The following HEATR4 variants were observed in gnomAD, a reference collection of about 807,000 sequenced individuals.
HEATR4 encodes HEAT repeat containing 4, also known as HEAT repeat-containing protein 4.
HEATR4 carries 95 observed loss-of-function variants against 108.8 expected under a neutral mutation model. The observed-to-expected ratio is 0.87, with a 90% CI of 0.74 to 1.04. The LOEUF is 1.04. Ranked by LOEUF, HEATR4 falls within the 50% of genes least tolerant of loss-of-function variation. The pLI, the probability that HEATR4 is intolerant of heterozygous loss-of-function variation, is 0.00. For synonymous variants in HEATR4, 443 were observed against 459.4 expected (o/e 0.96, Z 0.46); for missense variants, 1,152 against 1,253.8 (o/e 0.92, Z 1.23).
chr14:73,569,227 G>A, the HEATR4 span: 3 of 1,612,334 alleles, frequency 1.9e-6, no homozygotes, highest in East Asian at 2.2e-5. Context: ...AGCCTGCGAC[G>A]GCAGCCCGAG....
At chr14:73,524,293 C>CAAAA (rs1160344592) in intron 2 of HEATR4, among the ~76,000 whole-genome samples, 26 of 56,652 alleles carry the variant, frequency 4.6e-4, no homozygotes, top group East Asian at 2.3e-3. Flanking sequence ...AACTCCGTCT[C>CAAAA]AAAAAAAAAA....
chr14:73,594,517 A>AT, the HEATR4 span, among the ~76,000 whole-genome samples: 1 of 152,114 alleles, frequency 6.6e-6, no homozygotes, highest in Non-Finnish European at 1.5e-5. Flanking sequence ...TTTTTCAGTG[A>AT]TTTTAAGATG....
chr14:73,537,000 C>A, intron 1 of HEATR4: 5 of 108,844 alleles, frequency 4.6e-5, no homozygotes, highest in Non-Finnish European at 9.3e-5. Context: ...TTTTTTTTTT[C>A]TGAGACGGAC....
chr14:73,498,817 T>C (rs1886250473), intron 13 of HEATR4, among the ~76,000 whole-genome samples: 1 of 152,238 alleles, frequency 6.6e-6, no homozygotes, highest in Admixed American at 6.5e-5. Context: ...TTGGAACTTA[T>C]CCTTAATTCT....
chr14:73,585,209 C>G, the HEATR4 span, among the ~76,000 whole-genome samples: 1 of 152,158 alleles, frequency 6.6e-6, no homozygotes, highest in Non-Finnish European at 1.5e-5. Context: ...CACCTTGTCT[C>G]GCTCATCTGC....
At chr14:73,531,295 C>T (rs1227182715) in intron 1 of HEATR4, 2 of 113,302 alleles carry the variant, frequency 1.8e-5, no homozygotes, top group South Asian at 2.8e-4. Flanking sequence ...ACTCAGAGAA[C>T]TTGTGGGTTC....
chr14:73,479,747 T>C (rs1885175416), intron 17 of HEATR4, among the ~76,000 whole-genome samples: 1 of 152,056 alleles, frequency 6.6e-6, no homozygotes, highest in Admixed American at 6.6e-5. Context: ...GCTAATTTTT[T>C]TGTATTTTTA....
intron 17 of HEATR4, chr14:73,491,630 C>A: frequency 6.5e-7 from 1 of 1,549,726 alleles, no homozygotes; most frequent in Non-Finnish European, 8.7e-7. Flanking sequence ...AGCGGCCCGC[C>A]TCTTTGAGTG....
chr14:73,607,327 A>C, the HEATR4 span, among the ~76,000 whole-genome samples: 2 of 152,176 alleles, frequency 1.3e-5, no homozygotes, highest in African/African-American at 4.8e-5. Flanking sequence ...TAAAAAAAGA[A>C]AGAAATGTCC....
chr14:73,599,046 C>T, the HEATR4 span, among the ~76,000 whole-genome samples: 1 of 145,996 alleles, frequency 6.8e-6, no homozygotes, highest in African/African-American at 2.8e-5. Context: ...GGATGTGATG[C>T]TGTGATGCTG....
intron 1 of HEATR4, among the ~76,000 whole-genome samples, chr14:73,530,835 C>T (rs1320547109): frequency 1.0e-4 from 8 of 77,512 alleles, no homozygotes; most frequent in African/African-American, 3.3e-4. Flanking sequence ...GATAGAGTCT[C>T]ACCATGTTGT....
chr14:73,599,620 G>C, the HEATR4 span, among the ~76,000 whole-genome samples: 1 of 152,120 alleles, frequency 6.6e-6, no homozygotes, highest in Non-Finnish European at 1.5e-5. Flanking sequence ...GAGTCTCCAA[G>C]AGAGCCTAGC....
At chr14:73,612,777 GA>G in the HEATR4 span, 1 of 1,370,990 alleles carries the variant, frequency 7.3e-7, no homozygotes, top group South Asian at 1.7e-5. Context: ...CCCGCGCTGG[GA>G]GGCAGCTTCG....
chr14:73,571,976 C>T, the HEATR4 span, among the ~76,000 whole-genome samples: 2 of 151,302 alleles, frequency 1.3e-5, no homozygotes, highest in African/African-American at 4.9e-5. Context: ...CAACAGAGTA[C>T]ATTTCACACC....
chr14:73,574,182 G>C, the HEATR4 span: 1 of 160,090 alleles, frequency 6.2e-6, no homozygotes, highest in African/African-American at 2.4e-5. Context: ...CTTATAGACA[G>C]TTTCTATTCA....
intron 12 of HEATR4, 81 bp downstream of exon 12, chr14:73,500,469 G>T: frequency 1.4e-6 from 2 of 1,389,424 alleles, no homozygotes; most frequent in Non-Finnish European, 2.0e-6. Flanking sequence ...ACAGAATGTT[G>T]AGCATACTGT....
the HEATR4 span, among the ~76,000 whole-genome samples, chr14:73,584,561 T>G: frequency 1.3e-4 from 19 of 147,946 alleles, no homozygotes; most frequent in Admixed American, 1.0e-3. Flanking sequence ...AACCCTGCTG[T>G]CTCAGTGTAA....
intron 7 of HEATR4, among the ~76,000 whole-genome samples, chr14:73,509,815 T>C (rs1330681886): frequency 1.0e-3 from 2 of 2,004 alleles, no homozygotes; most frequent in Non-Finnish European, 1.7e-3. Flanking sequence ...TGAGCCCATA[T>C]ATATATATAT....
At chr14:73,562,134 A>C (rs1411523182), upstream of HEATR4, among the ~76,000 whole-genome samples, 1 of 152,026 alleles carries the variant, frequency 6.6e-6, no homozygotes, top group African/African-American at 2.4e-5. Flanking sequence ...AGGAAGTGGA[A>C]TAGTGGTTGC....
Sources: allele counts gnomAD v4.1 joint callset (sites outside exome capture counted in the v4.1 genomes callset), GRCh38; gene constraint gnomAD v4.1.1; transcripts MANE v1.5; gene names NCBI Gene and HGNC (gene_info 2026-07-23, HGNC 2026-07-21).